The following EIF5 variants were observed in gnomAD, a reference collection of about 807,000 sequenced individuals.
The protein encoded by EIF5 is eukaryotic translation initiation factor 5.
A neutral mutation model predicts 48.3 loss-of-function variants in EIF5; 10 were observed. The ratio of observed to expected loss-of-function variants is 0.21; its 90% CI spans 0.13 to 0.35. The LOEUF is 0.35. Ranked by LOEUF, EIF5 falls within the 10% of genes least tolerant of loss-of-function variation. EIF5 has a pLI of 1.00. For synonymous variants in EIF5, 237 were observed against 173.1 expected (o/e 1.37, Z -2.90); for missense variants, 397 against 533.2 (o/e 0.74, Z 2.51).
In EIF5 at chr14:103,341,240, C is replaced by G. The variant is rs1279955063; in HGVS notation, c.*188C>G. 1.8e-6 allele frequency: 1 copy of G among 547,996 alleles called. No homozygotes were observed. Among genetic ancestry groups the G allele is most frequent in the East Asian group, 3.0e-5 (1 of 33,662 alleles). 33.9% of individuals were successfully genotyped at this position (547,996 alleles called of 1,614,324 possible). Reference sequence around the variant, plus strand: ...AGACATCTAGGGAGTCCATACACATCAGTGAGCAGATGTAGTTTGCTTATT... The same window carrying G: ...AGACATCTAGGGAGTCCATACACATGAGTGAGCAGATGTAGTTTGCTTATT... On this transcript the variant is annotated 3_prime_UTR_variant, in exon 12 of 12. Transcript: ENST00000216554.
chr14:103,340,572 G>C lies in EIF5; in HGVS notation c.1206+11G>C, dbSNP rs375569734. On this transcript the variant is annotated intron_variant, in intron 11 of 11. Transcript: ENST00000216554. ...GATGAGAACATTGAGGTAAACATTG[G>C]GGGAGGAGGGTATTGGATACAGTGC... The C allele has an allele frequency of 8.7e-6, 14 of 1,606,420 alleles. No individual in the cohort carries two copies. The African/African-American group carries it at 1.2e-4, about 14-fold the overall frequency.
intron 10 of EIF5, 68 bp downstream of exon 10, chr14:103,339,871 T>A: frequency 1.3e-6 from 2 of 1,523,428 alleles, no homozygotes; most frequent in South Asian, 1.3e-5. Context: ...TGGTTGATTG[T>A]TTTTGGAGAC....
chr14:103,340,242 G>C (rs895504742), intron 10 of EIF5, among the ~76,000 whole-genome samples, 185 bp from the exon 11 acceptor site: 1 of 152,124 alleles, frequency 6.6e-6, no homozygotes, highest in Non-Finnish European at 1.5e-5. Flanking sequence ...ATTGTGATTC[G>C]CATCATGTCA....
intron 10 of EIF5, among the ~76,000 whole-genome samples, chr14:103,340,011 A>G (rs1267724387): frequency 6.6e-6 from 1 of 152,106 alleles, no homozygotes; most frequent in Non-Finnish European, 1.5e-5. Flanking sequence ...GGCACCTGCG[A>G]TCATGCCCAG....
At chr14:103,336,267 A>G in intron 4 of EIF5, 150 bp downstream of exon 4, 2 of 826,356 alleles carry the variant, frequency 2.4e-6, no homozygotes, top group Non-Finnish European at 3.8e-6. Flanking sequence ...TGAGTTTACA[A>G]AACTACCAGG....
intron 5 of EIF5, 53 bp downstream of exon 5, chr14:103,336,902 T>A: frequency 6.4e-7 from 1 of 1,555,398 alleles, no homozygotes; most frequent in Non-Finnish European, 8.7e-7. Flanking sequence ...GCTTCTGTGA[T>A]ACCGCTAAGT....
intron 7 of EIF5, 111 bp downstream of exon 7, chr14:103,338,583 T>C (rs1335510333): frequency 1.0e-5 from 15 of 1,487,558 alleles, no homozygotes; most frequent in Non-Finnish European, 1.3e-5. Flanking sequence ...AATACACTAA[T>C]ATTGTGGATT....
At chr14:103,337,736 A>G (rs927209162) in intron 6 of EIF5, 3 of 424,710 alleles carry the variant, frequency 7.1e-6, no homozygotes, top group Admixed American at 5.7e-5. Flanking sequence ...CAATTAAGAC[A>G]TTATCTGAGG....
chr14:103,340,258 G>T (rs984046913), intron 10 of EIF5, 169 bp from the exon 11 acceptor site: 43 of 690,102 alleles, frequency 6.2e-5, no homozygotes, highest in Non-Finnish European at 9.0e-5. Context: ...TGTCAGATTT[G>T]TAGTCATAAC....
At position 103,344,782 on chromosome 14, in the gene EIF5, T is replaced by A. The variant is rs1437921403; in HGVS notation, c.*3730T>A. On this transcript the variant is annotated 3_prime_UTR_variant, in exon 12 of 12. Coordinates refer to ENST00000216554, the MANE Select transcript of EIF5 (RefSeq NM_001969.5). ...GCAGGGACATCTGAAAGAGACGTAT[T>A]AAGTTAACATTTTTAAAAATCCAAA... 1 of 152,188 alleles carries A rather than the reference T, an allele frequency of 6.6e-6. No individual in the cohort carries two copies. Among genetic ancestry groups the A allele is most frequent in the Admixed American group, 6.6e-5 (1 of 15,266 alleles). 9.4% of individuals were successfully genotyped at this position (152,188 alleles called of 1,614,324 possible).
Position 103,336,059 on chromosome 14 carries a change from C to A in EIF5, c.96C>A (p.Ile32=), listed in dbSNP as rs139430391. 5.3e-5 allele frequency: 85 copies of A among 1,614,152 alleles called. No homozygotes were observed. The African/African-American group carries it at 1.0e-3, about 19-fold the overall frequency. ...AGGTTGAGGGCAAAGGCAATGGAAT[C>A]AAGACAGTTATAGTCAACATGGTTG... The part of the protein sequence containing the change: ...IAKVEGKGNG[I]KTVIVNMVDV... The change falls in exon 4 of 12, where the codon ATC becomes ATA. Residue 32 remains isoleucine, a synonymous_variant. Coordinates refer to ENST00000216554, the MANE Select transcript of EIF5 (RefSeq NM_001969.5).
chr14:103,336,974 A>G (rs2089294253), intron 5 of EIF5, 125 bp downstream of exon 5: 4 of 1,391,710 alleles, frequency 2.9e-6, no homozygotes, highest in Non-Finnish European at 3.9e-6. Flanking sequence ...CCAGTTTTCG[A>G]GATATTTCCA....
Position 103,343,343 on chromosome 14 carries a change from C to T in EIF5, c.*2291C>T, listed in dbSNP as rs1452319243. Reference sequence around the variant, plus strand: ...GTTGTTCATTTCATTGGGTCACTGGCTTTATTTGCTAGTCTTGTCTGTGAA... The same window carrying T: ...GTTGTTCATTTCATTGGGTCACTGGTTTTATTTGCTAGTCTTGTCTGTGAA... On this transcript the variant is annotated 3_prime_UTR_variant, in exon 12 of 12. Coordinates refer to ENST00000216554, the MANE Select transcript of EIF5 (RefSeq NM_001969.5). 6.6e-6 allele frequency: 1 copy of T among 152,178 alleles called. No individual in the cohort carries two copies. The highest frequency in any genetic ancestry group is 1.5e-5 in the Non-Finnish European group (1 of 68,032). 9.4% of individuals were successfully genotyped at this position (152,178 alleles called of 1,614,324 possible).
intron 10 of EIF5, 143 bp downstream of exon 10, chr14:103,339,946 C>T (rs1483320292): frequency 4.1e-6 from 4 of 965,606 alleles, no homozygotes; most frequent in South Asian, 3.6e-5. Context: ...GAAACCTCCA[C>T]GTCCCGGCTT....
intron 8 of EIF5, 121 bp from the exon 9 acceptor site, chr14:103,339,051 A>ATGTG: frequency 6.8e-7 from 1 of 1,470,796 alleles, no homozygotes; most frequent in East Asian, 2.3e-5. Flanking sequence ...TCCAGGCACT[A>ATGTG]TGTGTCACAA....
At chr14:103,336,986 T>A in intron 5 of EIF5, 130 bp from the exon 6 acceptor site, 1 of 1,378,526 alleles carries the variant, frequency 7.3e-7, no homozygotes, top group Non-Finnish European at 9.8e-7. Context: ...ATATTTCCAT[T>A]CTTTTTTTTA....
chr14:103,338,478 T>A lies in EIF5; in HGVS notation c.585+6T>A. Reference sequence around the variant, plus strand: ...ATCCTCCTCCACATACAATGGTGAGTGCAGGGTTGATGGCCTAGTGGGCAC... The same window carrying A: ...ATCCTCCTCCACATACAATGGTGAGAGCAGGGTTGATGGCCTAGTGGGCAC... On this transcript the variant is annotated splice_donor_region_variant and intron_variant, in intron 7 of 11. Transcript: ENST00000216554. 6.4e-7 allele frequency: 1 copy of A among 1,561,446 alleles called. No homozygotes were observed. The highest frequency in any genetic ancestry group is 1.4e-5 in the African/African-American group (1 of 73,116).
chr14:103,337,982 C>T lies in EIF5; in HGVS notation c.440-345C>T, dbSNP rs568999693. 4.6e-5 allele frequency: 25 copies of T among 545,078 alleles called. No homozygotes were observed. In the East Asian group the frequency reaches 1.2e-3, roughly 26 times the overall value. The allele number at this position is 545,078 out of a possible 1,614,324, so 33.8% of individuals were successfully genotyped here. A position where few individuals can be genotyped will look rare whatever the true frequency, so the allele number is the denominator to read the frequency against. On this transcript the variant is annotated intron_variant, in intron 6 of 11. Transcript: ENST00000216554. ...TATATAGACTTAAACAGTGTTCCACCTGTTGGCTAAAGCTGGGTTGAGTTA... is the reference window on the plus strand; with the variant it reads ...TATATAGACTTAAACAGTGTTCCACTTGTTGGCTAAAGCTGGGTTGAGTTA...
chr14:103,335,774 T>G lies in EIF5; in HGVS notation c.-87T>G. 3 of 1,456,108 alleles carry G rather than the reference T, an allele frequency of 2.1e-6. No homozygotes were observed. The highest frequency in any genetic ancestry group is 2.9e-6 in the Non-Finnish European group (3 of 1,040,680). 90.2% of individuals were successfully genotyped at this position (1,456,108 alleles called of 1,614,324 possible). On this transcript the variant is annotated 5_prime_UTR_variant, in exon 3 of 12. Transcript: ENST00000216554. ...CCGAGAACTCTTGCAGTCGTTTATG[T>G]CATCCCTTCTTCTCCAGACAGAAGA...
Sources: gnomAD v4.1 joint callset for allele counts (sites outside exome capture counted in the v4.1 genomes callset) on GRCh38, gnomAD v4.1.1 for gene constraint, MANE v1.5 for transcripts, NCBI Gene and HGNC (gene_info 2026-07-23, HGNC 2026-07-21) for gene names.